Variants in EDIL3 observed in about 807,000 individuals in gnomAD.
EDIL3 encodes the protein EGF-like repeat and discoidin I-like domain-containing protein 3.
EDIL3 carries 37 observed loss-of-function variants against 67.4 expected under a neutral mutation model. The ratio of observed to expected loss-of-function variants is 0.55; its 90% CI spans 0.42 to 0.72. EDIL3 has a LOEUF of 0.72. EDIL3 is among the 30% of genes least tolerant of loss of function. The pLI, the probability that EDIL3 is intolerant of heterozygous loss-of-function variation, is 0.00. For synonymous variants in EDIL3, 195 were observed against 196.3 expected (o/e 0.99, Z 0.05); for missense variants, 527 against 586.3 (o/e 0.90, Z 1.04).
chr5:84,198,358 T>C (rs952072158), intron 3 of EDIL3, among the ~76,000 whole-genome samples: 2 of 152,000 alleles, frequency 1.3e-5, no homozygotes, highest in Non-Finnish European at 1.5e-5. Context: ...AGAGTAGGAT[T>C]TGGAAGTCTG....
intron 4 of EDIL3, among the ~76,000 whole-genome samples, chr5:84,151,259 GCACATACACACACACACACA>G (rs1748383841): frequency 7.3e-6 from 1 of 136,160 alleles, no homozygotes; most frequent in African/African-American, 3.2e-5. Context: ...ACACACACAC[GCACATACACACACACACACA>G]CACACACACA....
At chr5:84,254,011 C>A in intron 2 of EDIL3, 73 bp downstream of exon 2, 1 of 1,472,314 alleles carries the variant, frequency 6.8e-7, no homozygotes. Context: ...CTCCATAATG[C>A]ACCACAGCCA....
intron 9 of EDIL3, among the ~76,000 whole-genome samples, chr5:84,031,266 T>C (rs772313561): frequency 3.3e-5 from 5 of 152,212 alleles, no homozygotes; most frequent in Admixed American, 6.5e-5. Context: ...CAGTAACAAA[T>C]AGTAATACAC....
chr5:84,271,884 A>G (rs1247614626), intron 1 of EDIL3, among the ~76,000 whole-genome samples: 3 of 152,164 alleles, frequency 2.0e-5, no homozygotes, highest in Non-Finnish European at 2.9e-5. Context: ...CACATCCTCA[A>G]CTGTGGAATG....
chr5:84,257,431 C>T (rs1023383373), intron 1 of EDIL3, among the ~76,000 whole-genome samples: 2 of 152,092 alleles, frequency 1.3e-5, no homozygotes, highest in South Asian at 2.1e-4. Context: ...CTAATACACT[C>T]GAAATTTTCA....
chr5:84,028,800 A>C (rs1470567582), intron 9 of EDIL3, among the ~76,000 whole-genome samples: 2 of 152,094 alleles, frequency 1.3e-5, no homozygotes, highest in African/African-American at 4.8e-5. Flanking sequence ...TGCTTTGTAC[A>C]ATCTCAAACT....
intron 1 of EDIL3, among the ~76,000 whole-genome samples, chr5:84,318,465 A>T (rs1028388258): frequency 6.6e-6 from 1 of 152,188 alleles, no homozygotes; most frequent in Non-Finnish European, 1.5e-5. Context: ...AGATATATAG[A>T]CCAATGGAAC....
chr5:83,985,937 T>C (rs1436260447), intron 9 of EDIL3, among the ~76,000 whole-genome samples: 1 of 152,096 alleles, frequency 6.6e-6, no homozygotes, highest in African/African-American at 2.4e-5. Context: ...TTGGAATTCA[T>C]GCATTTTTTA....
At chr5:84,219,361 A>C (rs1262924758) in intron 3 of EDIL3, among the ~76,000 whole-genome samples, 1 of 152,244 alleles carries the variant, frequency 6.6e-6, no homozygotes, top group Non-Finnish European at 1.5e-5. Flanking sequence ...TCTTGAGAAA[A>C]ATGATAATGG....
intron 1 of EDIL3, among the ~76,000 whole-genome samples, chr5:84,366,812 T>C (rs1424965308): frequency 1.3e-5 from 2 of 152,188 alleles, no homozygotes; most frequent in African/African-American, 4.8e-5. Flanking sequence ...GTATTTAAAG[T>C]GTTTCAGAGA....
intron 1 of EDIL3, among the ~76,000 whole-genome samples, chr5:84,277,329 G>T (rs1369239438): frequency 6.6e-6 from 1 of 152,054 alleles, no homozygotes; most frequent in Non-Finnish European, 1.5e-5. Context: ...TGAGGAAGCA[G>T]ACCCTCACAG....
intron 2 of EDIL3, among the ~76,000 whole-genome samples, chr5:84,237,194 A>G (rs1257554297): frequency 6.6e-6 from 1 of 152,098 alleles, no homozygotes; most frequent in East Asian, 1.9e-4. Flanking sequence ...TTCAACCTCA[A>G]TTCATTTCCC....
At chr5:84,351,194 C>T (rs962968286) in intron 1 of EDIL3, among the ~76,000 whole-genome samples, 5 of 152,162 alleles carry the variant, frequency 3.3e-5, no homozygotes, top group African/African-American at 1.2e-4. Context: ...AAACTGTATG[C>T]TCTTATTAGT....
intron 1 of EDIL3, among the ~76,000 whole-genome samples, chr5:84,271,286 C>A (rs571099603): frequency 6.6e-6 from 1 of 151,796 alleles, no homozygotes; most frequent in African/African-American, 2.4e-5. Flanking sequence ...TGGTGGTGGG[C>A]GCCTGTAGTC....
At chr5:84,334,702 T>C (rs1746950767) in intron 1 of EDIL3, among the ~76,000 whole-genome samples, 1 of 152,242 alleles carries the variant, frequency 6.6e-6, no homozygotes, top group Non-Finnish European at 1.5e-5. Context: ...CTTTTAATGA[T>C]GCCCTCAAAG....
At chr5:84,001,317 G>T (rs1745327180) in intron 9 of EDIL3, among the ~76,000 whole-genome samples, 1 of 152,016 alleles carries the variant, frequency 6.6e-6, no homozygotes, top group African/African-American at 2.4e-5. Flanking sequence ...ACAAAACGCT[G>T]GGACTCACAA....
At chr5:84,264,726 AGG>A (rs1745311162) in intron 1 of EDIL3, among the ~76,000 whole-genome samples, 1 of 152,218 alleles carries the variant, frequency 6.6e-6, no homozygotes, top group Non-Finnish European at 1.5e-5. Flanking sequence ...TTGACAGCAG[AGG>A]ACAAACTAAA....
intron 2 of EDIL3, among the ~76,000 whole-genome samples, chr5:84,249,664 T>C (rs1227274411): frequency 6.6e-6 from 1 of 152,224 alleles, no homozygotes; most frequent in Non-Finnish European, 1.5e-5. Flanking sequence ...TACGTTAATA[T>C]ACTATGTATT....
chr5:83,970,733 C>T (rs1744777597), intron 9 of EDIL3, among the ~76,000 whole-genome samples: 2 of 138,414 alleles, frequency 1.4e-5, no homozygotes, highest in African/African-American at 2.8e-5. Flanking sequence ...TCTATTTCTT[C>T]TTTGTTCTAT....
Sources: gnomAD v4.1 joint callset for allele counts (sites outside exome capture counted in the v4.1 genomes callset) on GRCh38, gnomAD v4.1.1 for gene constraint, MANE v1.5 for transcripts, NCBI Gene and HGNC (gene_info 2026-07-23, HGNC 2026-07-21) for gene names.